MADD: variants seen among roughly 807,000 people sequenced by gnomAD.
MADD encodes MAP kinase activating death domain.
A neutral mutation model predicts 176.7 loss-of-function variants in MADD; 109 were observed. That is an observed-to-expected ratio of 0.62 (90% CI 0.53 to 0.72). The LOEUF is 0.72. Ranked by LOEUF, MADD falls within the 30% of genes least tolerant of loss-of-function variation. MADD has a pLI of 0.00. For synonymous variants in MADD, 771 were observed against 771.3 expected, an observed-to-expected ratio of 1.00 and a Z score of 0.01; for missense variants, 1,914 against 2,045.5, an observed-to-expected ratio of 0.94 and a Z score of 1.24.
At chr11:47,286,994 C>T (rs546497940) in intron 15 of MADD, among the ~76,000 whole-genome samples, 5 of 152,126 alleles carry the variant, frequency 3.3e-5, no homozygotes, top group African/African-American at 4.8e-5. Flanking sequence ...TTAATGAGTG[C>T]GCCAGGTAGT....
chr11:47,293,854 C>G (rs746698155), intron 19 of MADD, 29 bp from the exon 22 acceptor site: 4 of 1,452,340 alleles, frequency 2.8e-6, no homozygotes, highest in Non-Finnish European at 1.9e-6. Flanking sequence ...CCTTTGTGCA[C>G]GGAGTAACAG....
chr11:47,280,774 C>T (rs2055854569), intron 7 of MADD, among the ~76,000 whole-genome samples: 1 of 152,120 alleles, frequency 6.6e-6, no homozygotes, highest in African/African-American at 2.4e-5. Flanking sequence ...ATCATGTTGG[C>T]CAGGCTGGTC....
At chr11:47,303,008 T>C (rs907688900) in intron 22 of MADD, among the ~76,000 whole-genome samples, 1 of 152,204 alleles carries the variant, frequency 6.6e-6, no homozygotes, top group Non-Finnish European at 1.5e-5. Flanking sequence ...GCATGTCTTG[T>C]AAGGGTGTGA....
exon 13 of MADD, chr11:47,285,006 C>A: frequency 1.9e-6 from 3 of 1,614,132 alleles, no homozygotes; most frequent in Non-Finnish European, 2.5e-6. Context: ...CCCTCCCTTC[C>A]GTGCCTCCCA....
At chr11:47,274,945 T>C in exon 3 of MADD, 1 of 1,614,160 alleles carries the variant, frequency 6.2e-7, no homozygotes, top group Non-Finnish European at 8.5e-7. Flanking sequence ...CAGTGCTGAC[T>C]CTACCCCTGA....
exon 2 of MADD, chr11:47,273,921 C>G: frequency 1.9e-6 from 3 of 1,613,972 alleles, no homozygotes; most frequent in Non-Finnish European, 2.5e-6. Flanking sequence ...AACCATGGTG[C>G]AAAAGAAGAA....
intron 31 of MADD, chr11:47,327,727 CT>C: frequency 5.1e-6 from 5 of 985,454 alleles, no homozygotes; most frequent in Non-Finnish European, 6.0e-6. Context: ...AGTTTATTCC[CT>C]GCTGACCCTG....
intron 28 of MADD, 165 bp from the exon 32 acceptor site, chr11:47,324,100 T>C: frequency 1.5e-6 from 1 of 670,638 alleles, no homozygotes. Flanking sequence ...GCTCCGGATC[T>C]ATCATTCATA....
intron 31 of MADD, chr11:47,327,012 A>G: frequency 7.5e-7 from 1 of 1,334,254 alleles, no homozygotes; most frequent in African/African-American, 1.5e-5. Context: ...GCAGAAGAGC[A>G]AATGGGGCCT....
At chr11:47,313,496 T>C (rs1221227946) in intron 26 of MADD, among the ~76,000 whole-genome samples, 4 of 142,428 alleles carry the variant, frequency 2.8e-5, no homozygotes, top group Non-Finnish European at 6.1e-5. Context: ...TTTTTTTTTT[T>C]GTATTTTAAT....
exon 11 of MADD, chr11:47,284,191 A>G (rs191553785): frequency 1.1e-5 from 18 of 1,613,278 alleles, no homozygotes; most frequent in South Asian, 2.2e-5. Context: ...CAGTGATAGT[A>G]TGGATTATGA....
intron 31 of MADD, chr11:47,327,260 C>T (rs1459615657): frequency 3.2e-5 from 32 of 993,606 alleles, no homozygotes; most frequent in East Asian, 1.1e-4. Flanking sequence ...GGGCACCGGG[C>T]GTCGCAGGCA....
chr11:47,325,023 G>A lies in MADD; in HGVS notation c.4542+446G>A, dbSNP rs113142712. 2,077 of 517,228 alleles carry A rather than the reference G, an allele frequency of 4.0e-3. 33 individuals carry two copies. The highest frequency in any genetic ancestry group is 0.031 in the African/African-American group (1,606 of 52,180). The allele number at this position is 517,228 out of a possible 1,614,324, so 32.0% of individuals were successfully genotyped here. A position where few individuals can be genotyped will look rare whatever the true frequency, so the allele number is the denominator to read the frequency against. ...TGCGTGTGCGTGCGTGCGTGCCTGC[G>A]TGCTTGTGTGTAAGTAGCTTGTATC... On this transcript the variant is annotated intron_variant, in intron 30 of 32. Coordinates refer to ENST00000402192, the Ensembl canonical transcript of MADD. The surrounding 1 kb of genome is among the most constrained non-coding windows in gnomAD (Gnocchi z 4.5).
rs1299930589 is a variant in MADD, at chr11:47,309,276, T to C, written c.3752-5T>C. Reference sequence around the variant, plus strand: ...GGCCCCCTAAGAAACCTTTATTCTATGCAGGCAAAGAGCGTTCTACTTTAT... The same window carrying C: ...GGCCCCCTAAGAAACCTTTATTCTACGCAGGCAAAGAGCGTTCTACTTTAT... On this transcript the variant is annotated splice_region_variant and splice_polypyrimidine_tract_variant and intron_variant, in intron 23 of 32. Coordinates refer to ENST00000402192, the Ensembl canonical transcript of MADD. 1.9e-6 allele frequency: 3 copies of C among 1,613,364 alleles called. No homozygotes were observed. The highest frequency in any genetic ancestry group is 3.3e-5 in the Admixed American group (2 of 59,796).
In MADD at chr11:47,279,089, G is replaced by A. The variant is rs1281277531; in HGVS notation, c.1290+10G>A. On this transcript the variant is annotated intron_variant, in intron 7 of 32. Transcript: ENST00000402192. ...AAAGCATTTAAAGCAGGTAGGTGAA[G>A]AACGAAGGAAAGAAAGGGGAGTATT... 4 of 1,613,290 alleles carry A rather than the reference G, an allele frequency of 2.5e-6. No individual in the cohort carries two copies. In the Admixed American group the frequency reaches 6.7e-5, roughly 27 times the overall value.
Position 47,274,912 on chromosome 11 carries a change from AGT to A in MADD, c.414_415del (p.Ser138ArgfsTer10). On this transcript the variant is annotated frameshift_variant, in exon 3 of 33. Transcript: ENST00000402192. LOFTEE classifies it high-confidence loss of function. ...AGAGGGTGGCACTGAGAGCTCAGAGAGTGGCTCATCCCTGCAGCCTCTCAGTG... is the reference window on the plus strand; with the variant it reads ...AGAGGGTGGCACTGAGAGCTCAGAGAGGCTCATCCCTGCAGCCTCTCAGTG... 1 of 1,613,874 alleles carries A rather than the reference AGT, an allele frequency of 6.2e-7. No individual in the cohort carries two copies.
chr11:47,276,059 C>A, exon 4 of MADD: 1 of 1,614,228 alleles, frequency 6.2e-7, no homozygotes, highest in Non-Finnish European at 8.5e-7. Context: ...GGTCCTACCC[C>A]AAGAGCTCCA....
At chr11:47,326,701 T>C in intron 30 of MADD, 37 bp from the exon 35 acceptor site, 1 of 1,605,698 alleles carries the variant, frequency 6.2e-7, no homozygotes, top group Non-Finnish European at 8.5e-7. Flanking sequence ...GGGTGGAGCC[T>C]GTGGGCCTTA....
At chr11:47,281,057 TCTC>T (rs2056215006) in intron 7 of MADD, among the ~76,000 whole-genome samples, 1 of 152,176 alleles carries the variant, frequency 6.6e-6, no homozygotes, top group Non-Finnish European at 1.5e-5. Context: ...TGGTGATTCT[TCTC>T]CTCACTCACA....
Sources: gnomAD v4.1 joint callset for allele counts (sites outside exome capture counted in the v4.1 genomes callset) on GRCh38, gnomAD v4.1.1 for gene constraint, Gnocchi (gnomAD v3.1) non-coding constraint, MANE v1.5 for transcripts, NCBI Gene and HGNC (gene_info 2026-07-23, HGNC 2026-07-21) for gene names.